The following SNX31 variants were observed in gnomAD, a reference collection of about 807,000 sequenced individuals.
The protein encoded by SNX31 is sorting nexin 31.
In SNX31, 58 loss-of-function variants were observed where a neutral mutation model predicts 65.4. That is an observed-to-expected ratio of 0.89 (90% CI 0.72 to 1.10). The LOEUF (loss-of-function observed/expected upper bound fraction) is 1.10, where lower values mean the gene tolerates loss of function less well. Among genes scored for constraint, SNX31 ranks in the 50% least tolerant of loss-of-function variants. SNX31 has a pLI of 0.00. For missense variants in SNX31, 523 were observed against 529.7 expected (o/e 0.99, Z 0.12); for synonymous variants, 181 against 190.1 (o/e 0.95, Z 0.39).
At chr8:100,628,826 G>C (rs931846916) in intron 4 of SNX31, among the ~76,000 whole-genome samples, 1 of 146,492 alleles carries the variant, frequency 6.8e-6, no homozygotes, top group Non-Finnish European at 1.5e-5. Context: ...GTGTGTGTGT[G>C]TGTGTGTGTG....
In SNX31 at chr8:100,594,171, G is replaced by A. The variant is rs1048927152; in HGVS notation, c.978+2468C>T. 2.4e-4 allele frequency among the ~76,000 whole-genome samples: 36 copies of A among 152,236 alleles called. No homozygotes were observed. Among genetic ancestry groups the A allele is most frequent in the Admixed American group, 1.7e-3 (26 of 15,280 alleles). On this transcript the variant is annotated intron_variant, in intron 10 of 13. Coordinates refer to ENST00000311812, the MANE Select transcript of SNX31 (RefSeq NM_152628.4). The surrounding 1 kb of genome is among the most constrained non-coding windows in gnomAD (Gnocchi z 4.0). ...TACAAAAAATTAGCCCTGCCTGGTG[G>A]TGCATGCCTGTAATCCCAGCTACTT...
chr8:100,627,347 C>A (rs904085655), intron 4 of SNX31, among the ~76,000 whole-genome samples: 6 of 152,020 alleles, frequency 3.9e-5, no homozygotes, highest in African/African-American at 1.2e-4. Flanking sequence ...AGCAAAACTC[C>A]ATCTCAAAAA....
At chr8:100,611,876 C>T (rs982633873) in intron 7 of SNX31, 124 bp downstream of exon 7, 2 of 733,840 alleles carry the variant, frequency 2.7e-6, no homozygotes, top group East Asian at 2.6e-5. Context: ...TTCTCAGAGC[C>T]TTCTCTAAGT....
At position 100,596,655 on chromosome 8, in the gene SNX31, C is replaced by A; in HGVS notation, c.962G>T (p.Trp321Leu). ...IVFQMSRVKC[W>L]QVTFLGTLLD... Reference sequence around the variant, plus strand: ...GATACTCACAAGGAAAGTGACCTGCCAGCACTTCACCCTGCTCATCTGGAA... The same window carrying A: ...GATACTCACAAGGAAAGTGACCTGCAAGCACTTCACCCTGCTCATCTGGAA... Residue 321 changes from tryptophan (W) to leucine (L), a missense_variant, in exon 10 of 14, where the codon TGG becomes TTG. Transcript: ENST00000311812. The A allele has an allele frequency of 6.2e-7, 1 of 1,613,904 alleles. No individual in the cohort carries two copies. Among genetic ancestry groups the A allele is most frequent in the Non-Finnish European group, 8.5e-7 (1 of 1,179,938 alleles).
intron 10 of SNX31, among the ~76,000 whole-genome samples, chr8:100,593,142 T>A (rs918160271): frequency 2.6e-5 from 4 of 152,186 alleles, no homozygotes; most frequent in African/African-American, 4.8e-5. Context: ...CTACATACCA[T>A]ACCATTGAAT....
At chr8:100,574,442 G>T (rs1214321747) in intron 13 of SNX31, among the ~76,000 whole-genome samples, 1 of 152,166 alleles carries the variant, frequency 6.6e-6, no homozygotes, top group African/African-American at 2.4e-5. Context: ...GACCACCCTG[G>T]CCAACGTGGT....
rs543283779 is a variant in SNX31 at position 100,623,000 on chromosome 8, A to G, written c.322-5270T>C. Among the ~76,000 whole-genome samples, 1 of 152,264 alleles carries G rather than the reference A, an allele frequency of 6.6e-6. No individual in the cohort carries two copies. The highest frequency in any genetic ancestry group is 2.4e-5 in the African/African-American group (1 of 41,556). On this transcript the variant is annotated intron_variant, in intron 4 of 13. Coordinates refer to ENST00000311812, the MANE Select transcript of SNX31 (RefSeq NM_152628.4). The surrounding 1 kb of genome is among the most constrained non-coding windows in gnomAD (Gnocchi z 5.0). ...TTCCTTCCACCTTCTATCACACCCT[A>G]CTGGTTTGTATTTCTCTGTTTTCAC...
At chr8:100,597,282 C>T (rs1272696108) in intron 9 of SNX31, among the ~76,000 whole-genome samples, 1 of 151,846 alleles carries the variant, frequency 6.6e-6, no homozygotes, top group Non-Finnish European at 1.5e-5. Context: ...CGTTCTATCA[C>T]CCAGGCTGGC....
chr8:100,645,339 T>G (rs1195685508), intron 2 of SNX31, among the ~76,000 whole-genome samples: 2 of 152,180 alleles, frequency 1.3e-5, no homozygotes, highest in African/African-American at 2.4e-5. Context: ...TAAATCAGAT[T>G]AAGAATTCTG....
At position 100,630,145 on chromosome 8, in the gene SNX31, T is replaced by G. The variant is rs1437815614; in HGVS notation, c.321+182A>C. On this transcript the variant is annotated intron_variant, in intron 4 of 13. Coordinates refer to ENST00000311812, the MANE Select transcript of SNX31 (RefSeq NM_152628.4). The surrounding 1 kb of genome is among the most constrained non-coding windows in gnomAD (Gnocchi z 5.3). ...CACACTTCATTTTCCATCTAAAATC[T>G]AAACCTCCAAAAGAACAAAATAGGA... is the stretch of plus-strand genomic sequence containing the variant. 1.3e-5 allele frequency among the ~76,000 whole-genome samples: 2 copies of G among 152,204 alleles called. No individual in the cohort carries two copies. The highest frequency in any genetic ancestry group is 4.8e-5 in the African/African-American group (2 of 41,444).
intron 2 of SNX31, among the ~76,000 whole-genome samples, chr8:100,647,061 C>T (rs138258619): frequency 6.6e-6 from 1 of 152,120 alleles, no homozygotes; most frequent in Non-Finnish European, 1.5e-5. Flanking sequence ...TGGTACCAAA[C>T]TCAGCACACA....
chr8:100,627,185 C>G (rs1160776015), intron 4 of SNX31, among the ~76,000 whole-genome samples: 1 of 152,160 alleles, frequency 6.6e-6, no homozygotes, highest in Non-Finnish European at 1.5e-5. Context: ...AATCCTGTCT[C>G]TACTAAAAAT....
chr8:100,573,667 C>CTTT lies in SNX31; in HGVS notation c.*195_*197dup. Reference sequence around the variant, plus strand: ...TAAAAACTAACTCTATAACTTGGTTCTTTTTTTTTTTCTAATCTTGAGATT... The same window carrying CTTT: ...TAAAAACTAACTCTATAACTTGGTTCTTTTTTTTTTTTTTCTAATCTTGAGATT... On this transcript the variant is annotated 3_prime_UTR_variant, in exon 14 of 14. Coordinates refer to ENST00000311812, the MANE Select transcript of SNX31 (RefSeq NM_152628.4). 6.3e-6 allele frequency: 2 copies of CTTT among 319,726 alleles called. No individual in the cohort carries two copies. Among genetic ancestry groups the CTTT allele is most frequent in the South Asian group, 2.9e-4 (2 of 6,824 alleles). The allele number at this position is 319,726 out of a possible 1,614,324, so 19.8% of individuals were successfully genotyped here. A position where few individuals can be genotyped will look rare whatever the true frequency, so the allele number is the denominator to read the frequency against.
upstream of SNX31, among the ~76,000 whole-genome samples, chr8:100,652,904 A>G (rs563660285): frequency 2.6e-5 from 4 of 152,274 alleles, no homozygotes; most frequent in Non-Finnish European, 5.9e-5. Flanking sequence ...CTTATAGCCC[A>G]GGTGTTGCGC....
intron 2 of SNX31, among the ~76,000 whole-genome samples, chr8:100,643,371 T>C (rs573104936): frequency 6.6e-6 from 1 of 152,098 alleles, no homozygotes; most frequent in East Asian, 1.9e-4. Flanking sequence ...GCCAAAATGG[T>C]GATGGCCTGG....
intron 2 of SNX31, among the ~76,000 whole-genome samples, chr8:100,641,565 A>AAAAAATATATATATAT: frequency 3.1e-5 from 1 of 32,108 alleles, no homozygotes; most frequent in Non-Finnish European, 5.3e-5. Context: ...AAAAAAAAAA[A>AAAAAATATATATATAT]ATATATATAT....
intron 1 of SNX31, among the ~76,000 whole-genome samples, chr8:100,656,563 C>T (rs1198366678): frequency 7.1e-6 from 1 of 140,104 alleles, no homozygotes; most frequent in Non-Finnish European, 1.5e-5. Flanking sequence ...ATCTCTTGAA[C>T]CTGGGAGGCG....
At chr8:100,621,977 A>T (rs1817730070) in intron 4 of SNX31, among the ~76,000 whole-genome samples, 1 of 152,270 alleles carries the variant, frequency 6.6e-6, no homozygotes, top group East Asian at 1.9e-4. Flanking sequence ...GTCAATGTAG[A>T]GAAGAGCAGG....
At chr8:100,642,488 G>A (rs779274803) in intron 2 of SNX31, among the ~76,000 whole-genome samples, 20 of 152,308 alleles carry the variant, frequency 1.3e-4, no homozygotes, top group Non-Finnish European at 2.4e-4. Flanking sequence ...AAGGATTAAG[G>A]TTCTAATACC....
Sources: gnomAD v4.1 joint callset for allele counts (sites outside exome capture counted in the v4.1 genomes callset) on GRCh38, gnomAD v4.1.1 for gene constraint, Gnocchi (gnomAD v3.1) non-coding constraint, MANE v1.5 for transcripts, NCBI Gene and HGNC (gene_info 2026-07-23, HGNC 2026-07-21) for gene names.